The following SH3RF1 variants were observed in gnomAD, a reference collection of about 807,000 sequenced individuals.
SH3RF1 encodes the protein E3 ubiquitin-protein ligase SH3RF1.
A neutral mutation model predicts 74.0 loss-of-function variants in SH3RF1; 32 were observed. The observed-to-expected ratio is 0.43, with a 90% CI of 0.33 to 0.58. SH3RF1 has a LOEUF of 0.58. Among genes scored for constraint, SH3RF1 ranks in the 20% least tolerant of loss-of-function variants. SH3RF1 has a pLI of 0.05. For synonymous variants in SH3RF1, 396 were observed against 439.6 expected (o/e 0.90, Z 1.24); for missense variants, 954 against 1,130.9 (o/e 0.84, Z 2.24).
At chr4:169,238,882 C>T (rs779015519) in intron 2 of SH3RF1, among the ~76,000 whole-genome samples, 1 of 152,160 alleles carries the variant, frequency 6.6e-6, no homozygotes, top group Non-Finnish European at 1.5e-5. Flanking sequence ...CATCCTCTTT[C>T]TTTCTAGTTG....
chr4:169,183,738 A>C (rs1344533556), intron 2 of SH3RF1, among the ~76,000 whole-genome samples: 1 of 138,176 alleles, frequency 7.2e-6, no homozygotes, highest in East Asian at 2.2e-4. Flanking sequence ...ACAGAGTGAG[A>C]TGCTGTCTCT....
Position 169,270,933 on chromosome 4 carries a change from G to A in SH3RF1, c.-170C>T, listed in dbSNP as rs931150912. On this transcript the variant is annotated 5_prime_UTR_variant, in exon 1 of 12. Transcript: ENST00000284637. ...CGGCTGATGCAGATGCGGCCCCACC[G>A]CGCTCGCCGCTCGCAGTGTCTCTGA... 4 of 152,182 alleles carry A rather than the reference G, an allele frequency of 2.6e-5. No homozygotes were observed. Among genetic ancestry groups the A allele is most frequent in the African/African-American group, 9.7e-5 (4 of 41,416 alleles). 9.4% of individuals were successfully genotyped at this position (152,182 alleles called of 1,614,324 possible).
At chr4:169,170,955 C>A (rs554538939) in intron 2 of SH3RF1, among the ~76,000 whole-genome samples, 1 of 152,136 alleles carries the variant, frequency 6.6e-6, no homozygotes, top group Non-Finnish European at 1.5e-5. Flanking sequence ...AAAATAAATA[C>A]AGTAATTGAA....
chr4:169,159,438 G>T (rs1026244369), intron 2 of SH3RF1, among the ~76,000 whole-genome samples: 2 of 152,166 alleles, frequency 1.3e-5, no homozygotes, highest in Non-Finnish European at 2.9e-5. Flanking sequence ...TAAATCTCTT[G>T]TACAATAGCT....
intron 10 of SH3RF1, among the ~76,000 whole-genome samples, chr4:169,115,760 GC>G (rs1733322285): frequency 6.6e-6 from 1 of 152,196 alleles, no homozygotes; most frequent in Admixed American, 6.5e-5. Flanking sequence ...GTGCCCAGGT[GC>G]CCAGAAGGTT....
chr4:169,253,630 ACATTAC>A lies in SH3RF1; in HGVS notation c.393+15184_393+15189del, dbSNP rs1225930463. Among the ~76,000 whole-genome samples the A allele has an allele frequency of 2.6e-5, 4 of 152,224 alleles. No individual in the cohort carries two copies. The South Asian group carries it at 8.3e-4, about 32-fold the overall frequency. On this transcript the variant is annotated intron_variant, in intron 2 of 11. Coordinates refer to ENST00000284637, the MANE Select transcript of SH3RF1 (RefSeq NM_020870.4). ...AAATGTAGAGGTGCTATTGCTAACC[ACATTAC>A]CTGTGCTTCCTACCATCCACAGGAT...
intron 5 of SH3RF1, among the ~76,000 whole-genome samples, chr4:169,132,113 T>C (rs1250199599): frequency 1.3e-5 from 2 of 152,232 alleles, no homozygotes; most frequent in Non-Finnish European, 2.9e-5. Flanking sequence ...TTTGTGTGTT[T>C]TGTCCAATTC....
At chr4:169,136,238 C>A in intron 5 of SH3RF1, 80 bp downstream of exon 5, 1 of 1,287,078 alleles carries the variant, frequency 7.8e-7, no homozygotes, top group South Asian at 2.6e-5. Flanking sequence ...CAATGTTTGT[C>A]AGCCAGTGAG....
chr4:169,111,886 T>C (rs1733251334), intron 10 of SH3RF1, among the ~76,000 whole-genome samples: 1 of 152,190 alleles, frequency 6.6e-6, no homozygotes, highest in Admixed American at 6.5e-5. Context: ...GCTAGAGATT[T>C]TAACACAAGG....
chr4:169,227,030 G>A (rs1327012449), intron 2 of SH3RF1, among the ~76,000 whole-genome samples: 2 of 151,720 alleles, frequency 1.3e-5, no homozygotes, highest in Non-Finnish European at 2.9e-5. Flanking sequence ...GCCAGGCGTC[G>A]GGGCACAAAT....
intron 4 of SH3RF1, among the ~76,000 whole-genome samples, chr4:169,148,293 T>C (rs1359546866): frequency 1.3e-5 from 2 of 152,240 alleles, no homozygotes; most frequent in East Asian, 1.9e-4. Flanking sequence ...TCTCGATTCC[T>C]GGCTCTGTGT....
Position 169,156,695 on chromosome 4 carries a change from A to G in SH3RF1, c.394-16T>C. 1 of 1,544,986 alleles carries G rather than the reference A, an allele frequency of 6.5e-7. No homozygotes were observed. The highest frequency in any genetic ancestry group is 8.7e-7 in the Non-Finnish European group (1 of 1,143,550). ...GAGGTATACCCTTTAAAAAAAAAAG[A>G]GGGATGAATTTTAATAAAATAATGG... is the stretch of plus-strand genomic sequence containing the variant. On this transcript the variant is annotated splice_polypyrimidine_tract_variant and intron_variant, in intron 2 of 11. Transcript: ENST00000284637.
chr4:169,194,766 G>C (rs907662045), intron 2 of SH3RF1, among the ~76,000 whole-genome samples: 3 of 152,124 alleles, frequency 2.0e-5, no homozygotes, highest in Admixed American at 6.6e-5. Context: ...ATAAACTGTT[G>C]TACCAGTCTC....
chr4:169,120,746 T>C, intron 8 of SH3RF1, 73 bp downstream of exon 8: 1 of 1,510,370 alleles, frequency 6.6e-7, no homozygotes, highest in South Asian at 1.2e-5. Flanking sequence ...GGAATCTGGA[T>C]AGGCTGAAAA....
intron 2 of SH3RF1, among the ~76,000 whole-genome samples, chr4:169,227,171 A>G (rs925349993): frequency 5.9e-5 from 9 of 152,220 alleles, no homozygotes; most frequent in South Asian, 2.1e-4. Flanking sequence ...GCCTTGAAAA[A>G]AAAACACATA....
At chr4:169,259,778 T>C (rs543149709) in intron 2 of SH3RF1, among the ~76,000 whole-genome samples, 29 of 152,186 alleles carry the variant, frequency 1.9e-4, no homozygotes, top group Non-Finnish European at 2.6e-4. Flanking sequence ...GCTATGTAAA[T>C]GAGGCTTGCC....
chr4:169,133,134 G>A (rs1460578601), intron 5 of SH3RF1, among the ~76,000 whole-genome samples: 2 of 152,168 alleles, frequency 1.3e-5, no homozygotes, highest in African/African-American at 4.8e-5. Context: ...CTTATATGGT[G>A]TAGACATGAG....
chr4:169,147,987 AT>A (rs1178046888), intron 4 of SH3RF1, among the ~76,000 whole-genome samples: 1 of 146,170 alleles, frequency 6.8e-6, no homozygotes, highest in Non-Finnish European at 1.5e-5. Flanking sequence ...AGACATTAAA[AT>A]ATCATGGTTT....
chr4:169,119,245 A>G (rs893343758), intron 8 of SH3RF1, among the ~76,000 whole-genome samples: 3 of 149,950 alleles, frequency 2.0e-5, no homozygotes, highest in African/African-American at 7.4e-5. Flanking sequence ...CTGGGTCTAC[A>G]GGCACGTGCC....
Sources: gnomAD v4.1 joint callset for allele counts (sites outside exome capture counted in the v4.1 genomes callset) on GRCh38, gnomAD v4.1.1 for gene constraint, MANE v1.5 for transcripts, NCBI Gene and HGNC (gene_info 2026-07-23, HGNC 2026-07-21) for gene names.